PDE8B: variants seen among roughly 807,000 people sequenced by gnomAD.
PDE8B encodes the protein high affinity cAMP-specific and IBMX-insensitive 3',5'-cyclic phosphodiesterase 8B.
In PDE8B, 26 loss-of-function variants were observed where a neutral mutation model predicts 101.3. That is an observed-to-expected ratio of 0.26 (90% CI 0.19 to 0.36). The LOEUF is 0.36. Ranked by LOEUF, PDE8B falls within the 10% of genes least tolerant of loss-of-function variation. PDE8B has a pLI of 1.00. For missense variants in PDE8B, 810 were observed against 1,163.1 expected (o/e 0.70, Z 4.42); for synonymous variants, 424 against 429.3 (o/e 0.99, Z 0.15).
At chr5:77,287,649 C>T (rs1311173457) in intron 1 of PDE8B, among the ~76,000 whole-genome samples, 1 of 152,108 alleles carries the variant, frequency 6.6e-6, no homozygotes, top group African/African-American at 2.4e-5. Flanking sequence ...TATTTGCCAT[C>T]CTTTTGTCTC....
At chr5:77,358,378 C>G in intron 10 of PDE8B, 1 of 923,332 alleles carries the variant, frequency 1.1e-6, no homozygotes, top group Non-Finnish European at 1.3e-6. Context: ...CAGCCCATGT[C>G]TCTACCCTGC....
At chr5:77,263,725 G>T (rs1044346221) in intron 1 of PDE8B, among the ~76,000 whole-genome samples, 1 of 152,162 alleles carries the variant, frequency 6.6e-6, no homozygotes, top group Non-Finnish European at 1.5e-5. Flanking sequence ...TAACTATACA[G>T]CTAATTTCCT....
chr5:77,232,343 A>C (rs1753751953), intron 1 of PDE8B, among the ~76,000 whole-genome samples: 1 of 152,250 alleles, frequency 6.6e-6, no homozygotes, highest in African/African-American at 2.4e-5. Flanking sequence ...AGCCTGAAAC[A>C]GAGAGGGCCA....
At chr5:77,417,184 T>C (rs1285171393) in intron 17 of PDE8B, among the ~76,000 whole-genome samples, 4 of 152,156 alleles carry the variant, frequency 2.6e-5, no homozygotes, top group Non-Finnish European at 5.9e-5. Context: ...AAGTGTCCAG[T>C]AGCTGCATGC....
intron 5 of PDE8B, among the ~76,000 whole-genome samples, chr5:77,333,073 G>T (rs889738889): frequency 2.0e-5 from 3 of 151,920 alleles, no homozygotes; most frequent in Non-Finnish European, 2.9e-5. Context: ...GTATGCTTCA[G>T]TGTGGAAGAA....
chr5:77,417,003 C>G (rs1363219271), intron 17 of PDE8B, among the ~76,000 whole-genome samples: 1 of 152,188 alleles, frequency 6.6e-6, no homozygotes, highest in African/African-American at 2.4e-5. Context: ...TGCCCTCTTG[C>G]TGCTTGTTGC....
the PDE8B span, among the ~76,000 whole-genome samples, chr5:77,098,333 G>C: frequency 6.6e-6 from 1 of 151,344 alleles, no homozygotes; most frequent in African/African-American, 2.4e-5. Context: ...ACCCAGACTG[G>C]GATGCAGTGT....
At chr5:77,351,016 G>A in intron 8 of PDE8B, 49 bp from the exon 9 acceptor site, 1 of 1,329,286 alleles carries the variant, frequency 7.5e-7, no homozygotes, top group Non-Finnish European at 1.1e-6. Flanking sequence ...TGCAGGAGCA[G>A]CTGTCATCCT....
the PDE8B span, among the ~76,000 whole-genome samples, chr5:77,108,195 A>G: frequency 6.6e-6 from 1 of 152,228 alleles, no homozygotes; most frequent in Admixed American, 6.5e-5. Context: ...TTAGAATTTA[A>G]AACAGTGAAA....
the PDE8B span, among the ~76,000 whole-genome samples, chr5:77,123,575 T>G: frequency 6.6e-6 from 1 of 152,048 alleles, no homozygotes; most frequent in Non-Finnish European, 1.5e-5. Flanking sequence ...CTGGGTAACA[T>G]GGCGACATCC....
chr5:77,090,512 A>G, the PDE8B span, among the ~76,000 whole-genome samples: 425 of 152,266 alleles, frequency 2.8e-3, 2 homozygotes, highest in African/African-American at 9.5e-3. Context: ...TGACCTTGTG[A>G]TACACCCGCC....
chr5:77,349,874 T>A (rs56409020), intron 8 of PDE8B, among the ~76,000 whole-genome samples: 5,104 of 152,256 alleles, frequency 0.034, 268 homozygotes, highest in African/African-American at 0.11. Flanking sequence ...AGCTGTTGTG[T>A]TTTTTCAGTT....
At chr5:77,228,660 T>C (rs1032258269) in intron 1 of PDE8B, among the ~76,000 whole-genome samples, 6 of 152,098 alleles carry the variant, frequency 3.9e-5, no homozygotes, top group Non-Finnish European at 5.9e-5. Flanking sequence ...GTAAACCATG[T>C]GTGGAAGACA....
intron 1 of PDE8B, among the ~76,000 whole-genome samples, chr5:77,255,410 T>G (rs1253623832): frequency 6.6e-6 from 1 of 152,120 alleles, no homozygotes; most frequent in Non-Finnish European, 1.5e-5. Context: ...CACCTGGGGT[T>G]TAATGCTTGG....
chr5:77,144,939 T>G, the PDE8B span: 1 of 152,138 alleles, frequency 6.6e-6, no homozygotes, highest in East Asian at 1.9e-4. Flanking sequence ...TACATCTTTA[T>G]TAATTATTTA....
At chr5:77,365,866 A>AG (rs1466584198) in intron 10 of PDE8B, among the ~76,000 whole-genome samples, 1 of 152,178 alleles carries the variant, frequency 6.6e-6, no homozygotes, top group African/African-American at 2.4e-5. Flanking sequence ...GTGCTTCCGT[A>AG]GGGGTAGATG....
chr5:77,286,110 A>G (rs1345413355), intron 1 of PDE8B, among the ~76,000 whole-genome samples: 1 of 152,176 alleles, frequency 6.6e-6, no homozygotes, highest in Non-Finnish European at 1.5e-5. Context: ...TTGGGATTGT[A>G]TCATGGGCAT....
intron 2 of PDE8B, among the ~76,000 whole-genome samples, chr5:77,312,802 A>T (rs1772959471): frequency 6.8e-6 from 1 of 147,320 alleles, no homozygotes; most frequent in South Asian, 2.2e-4. Context: ...GGAATAGAAG[A>T]TGATAAAATG....
intron 1 of PDE8B, among the ~76,000 whole-genome samples, chr5:77,250,997 G>A (rs1757950637): frequency 6.6e-6 from 1 of 152,206 alleles, no homozygotes; most frequent in Non-Finnish European, 1.5e-5. Context: ...CACATTATAG[G>A]TTCTTAAAGA....
Sources: allele counts gnomAD v4.1 joint callset (sites outside exome capture counted in the v4.1 genomes callset), GRCh38; gene constraint gnomAD v4.1.1; transcripts MANE v1.5; gene names NCBI Gene and HGNC (gene_info 2026-07-23, HGNC 2026-07-21).